Variants in TFDP2 observed in about 807,000 individuals in gnomAD.
TFDP2 encodes the protein transcription factor Dp-2, also known as transcription factor Dp-2 (E2F dimerization partner 2).
Under a neutral mutation model 59.3 loss-of-function variants are expected in TFDP2, and 17 were observed. The ratio of observed to expected loss-of-function variants is 0.29; its 90% CI spans 0.20 to 0.43. TFDP2 has a LOEUF of 0.43. TFDP2 is among the 20% of genes least tolerant of loss of function. The pLI, the probability that TFDP2 is intolerant of heterozygous loss-of-function variation, is 1.00. For synonymous variants in TFDP2, 180 were observed against 194.7 expected (o/e 0.92, Z 0.63); for missense variants, 391 against 528.8 (o/e 0.74, Z 2.56).
At chr3:142,003,233 T>C (rs1301326332) in intron 4 of TFDP2, among the ~76,000 whole-genome samples, 1 of 152,104 alleles carries the variant, frequency 6.6e-6, no homozygotes, top group African/African-American at 2.4e-5. Context: ...TCTCCTGACC[T>C]CGTGATCCAC....
intron 1 of TFDP2, among the ~76,000 whole-genome samples, chr3:142,116,976 C>T (rs1368576066): frequency 6.6e-6 from 1 of 151,872 alleles, no homozygotes; most frequent in Non-Finnish European, 1.5e-5. Context: ...GGCTGGAGTG[C>T]GATGGTGTGA....
intron 3 of TFDP2, among the ~76,000 whole-genome samples, chr3:142,040,768 C>T (rs1307317239): frequency 2.6e-5 from 4 of 152,052 alleles, no homozygotes; most frequent in Non-Finnish European, 5.9e-5. Flanking sequence ...GCTGGGTGTG[C>T]TAGCTCACAC....
intron 3 of TFDP2, among the ~76,000 whole-genome samples, chr3:142,015,293 T>A (rs1945046176): frequency 6.6e-6 from 1 of 152,194 alleles, no homozygotes; most frequent in African/African-American, 2.4e-5. Flanking sequence ...CCAGATTACA[T>A]CTATTCCTTG....
intron 3 of TFDP2, among the ~76,000 whole-genome samples, chr3:142,074,552 A>G (rs548117662): frequency 2.0e-4 from 31 of 151,858 alleles, no homozygotes; most frequent in Admixed American, 5.9e-4. Flanking sequence ...ATCTCTAAAT[A>G]TATAAATTAA....
intron 3 of TFDP2, among the ~76,000 whole-genome samples, chr3:142,042,650 T>TTTTTTTTTTTA (rs1553787000): frequency 1.0e-5 from 1 of 100,128 alleles, no homozygotes; most frequent in East Asian, 2.7e-4. Context: ...TTTTTTTTTT[T>TTTTTTTTTTTA]ACCATTTATT....
chr3:142,061,364 TG>T (rs1007536783), intron 3 of TFDP2, among the ~76,000 whole-genome samples: 77 of 152,142 alleles, frequency 5.1e-4, no homozygotes, highest in African/African-American at 1.7e-3. Flanking sequence ...AGAAAACAGA[TG>T]AAAAATACTG....
chr3:142,015,039 T>C (rs567496774), intron 3 of TFDP2, among the ~76,000 whole-genome samples: 1 of 152,312 alleles, frequency 6.6e-6, no homozygotes. Context: ...TGACACTTTT[T>C]AAAATCACAC....
Position 141,970,127 on chromosome 3 carries a change from C to T in TFDP2, c.678G>A (p.Arg226=). Residue 226 remains arginine (R), a synonymous_variant, in exon 9 of 13, where the codon AGG becomes AGA. Coordinates refer to ENST00000489671, the MANE Select transcript of TFDP2 (RefSeq NM_001178139.2). The part of the protein sequence containing the change: ...ECQNLEIEKQ[R]RIERIKQKRA... ...GCTTCTGCTTTATCCGTTCTATCCGCCTCTGCTTCTCTATCTTTAAAACAT... is the reference window on the plus strand; with the variant it reads ...GCTTCTGCTTTATCCGTTCTATCCGTCTCTGCTTCTCTATCTTTAAAACAT... The T allele has an allele frequency of 6.2e-7, 1 of 1,614,136 alleles. No homozygotes were observed. Among genetic ancestry groups the T allele is most frequent in the South Asian group, 1.1e-5 (1 of 91,080 alleles).
At chr3:141,998,665 T>C (rs968877040) in intron 4 of TFDP2, among the ~76,000 whole-genome samples, 1 of 152,068 alleles carries the variant, frequency 6.6e-6, no homozygotes, top group Admixed American at 6.6e-5. Flanking sequence ...AAAAATATAC[T>C]TTTAATATTC....
intron 3 of TFDP2, among the ~76,000 whole-genome samples, chr3:142,035,402 C>T (rs1004348681): frequency 1.3e-5 from 2 of 152,316 alleles, no homozygotes; most frequent in Non-Finnish European, 2.9e-5. Context: ...TCAGAGTACA[C>T]TGAGACAATA....
intron 4 of TFDP2, among the ~76,000 whole-genome samples, chr3:142,004,714 A>G (rs1205398350): frequency 1.3e-5 from 2 of 152,240 alleles, no homozygotes; most frequent in South Asian, 2.1e-4. Flanking sequence ...TTTTAAATTA[A>G]TAACTCCAGA....
At chr3:141,965,334 TA>T (rs1272027855) in intron 9 of TFDP2, among the ~76,000 whole-genome samples, 1 of 151,626 alleles carries the variant, frequency 6.6e-6, no homozygotes, top group Non-Finnish European at 1.5e-5. Context: ...AAAGTTTCAG[TA>T]AGATTACTAT....
intron 3 of TFDP2, among the ~76,000 whole-genome samples, chr3:142,047,986 C>T: frequency 6.6e-6 from 1 of 152,084 alleles, no homozygotes; most frequent in Non-Finnish European, 1.5e-5. Context: ...AGGTGATCCA[C>T]ACACCTCGGC....
chr3:142,106,315 T>C (rs999400763), intron 1 of TFDP2, among the ~76,000 whole-genome samples: 3 of 152,190 alleles, frequency 2.0e-5, no homozygotes, highest in Non-Finnish European at 4.4e-5. Context: ...AAGATAGACA[T>C]TGTAAAAACA....
At chr3:142,023,122 C>CAAAAAAAAAAAAAAAAAAAA (rs765096570) in intron 3 of TFDP2, among the ~76,000 whole-genome samples, 1 of 59,600 alleles carries the variant, frequency 1.7e-5, no homozygotes, top group African/African-American at 9.0e-5. Context: ...CCCTCCGTCT[C>CAAAAAAAAAAAAAAAAAAAA]AAAAAAAAAA....
At chr3:142,093,178 T>C in intron 2 of TFDP2, 51 bp from the exon 3 acceptor site, 1 of 1,270,750 alleles carries the variant, frequency 7.9e-7, no homozygotes, top group Non-Finnish European at 1.1e-6. Context: ...GTAGTATGTG[T>C]TCACTTAACA....
intron 1 of TFDP2, among the ~76,000 whole-genome samples, chr3:142,114,963 A>G (rs1047655674): frequency 6.6e-6 from 1 of 152,120 alleles, no homozygotes; most frequent in Admixed American, 6.5e-5. Context: ...CTTCCATAAA[A>G]AAATTCTTTC....
At chr3:142,056,947 C>A (rs1376804213) in intron 3 of TFDP2, among the ~76,000 whole-genome samples, 5 of 152,210 alleles carry the variant, frequency 3.3e-5, no homozygotes, top group Admixed American at 6.5e-5. Context: ...CCTCAGAAAC[C>A]ATGTGAGATG....
At chr3:142,097,647 T>C (rs2061201562) in intron 2 of TFDP2, among the ~76,000 whole-genome samples, 1 of 151,974 alleles carries the variant, frequency 6.6e-6, no homozygotes, top group Non-Finnish European at 1.5e-5. Flanking sequence ...ATCATGCCAC[T>C]GCACTCCAGC....
Sources: gnomAD v4.1 joint callset for allele counts (sites outside exome capture counted in the v4.1 genomes callset) on GRCh38, gnomAD v4.1.1 for gene constraint, MANE v1.5 for transcripts, NCBI Gene and HGNC (gene_info 2026-07-23, HGNC 2026-07-21) for gene names.